MICAL2: variants seen among roughly 807,000 people sequenced by gnomAD.
MICAL2 encodes the protein microtubule associated monooxygenase, calponin and LIM domain containing 2.
MICAL2 carries 77 observed loss-of-function variants against 127.3 expected under a neutral mutation model. The ratio of observed to expected loss-of-function variants is 0.60; its 90% CI spans 0.50 to 0.73. MICAL2 has a LOEUF of 0.73. Ranked by LOEUF, MICAL2 falls within the 30% of genes least tolerant of loss-of-function variation. The probability of loss-of-function intolerance (pLI) is 0.00; values close to 1 mark genes in which losing one functional copy is unlikely to be tolerated. For missense variants in MICAL2, 1,351 were observed against 1,434.4 expected, an observed-to-expected ratio of 0.94 and a Z score of 0.94; for synonymous variants, 570 against 551.1, an observed-to-expected ratio of 1.03 and a Z score of -0.48.
chr11:12,170,144 A>G (rs1051031595), intron 3 of MICAL2, among the ~76,000 whole-genome samples: 8 of 152,114 alleles, frequency 5.3e-5, no homozygotes, highest in African/African-American at 1.9e-4. Flanking sequence ...TTCCATATAC[A>G]TCGTTTCATT....
At position 12,258,494 on chromosome 11, in the gene MICAL2, A is replaced by G; in HGVS notation, c.3169A>G (p.Ile1057Val). Residue 1057 changes from isoleucine to valine, a missense_variant, in exon 25 of 28, where the codon ATT (isoleucine) becomes GTT (valine). Ile to Val is a conservative substitution (Grantham distance 29). Transcript: ENST00000683283. ...EGKFYCKPHF[I>V]HCKTNSKQRK... ...CAAATTTTACTGCAAGCCTCACTTC[A>G]TTCACTGTAAAACCAATAGCAAACA... 6.2e-7 allele frequency: 1 copy of G among 1,614,186 alleles called. No individual in the cohort carries two copies. Among genetic ancestry groups the G allele is most frequent in the South Asian group, 1.1e-5 (1 of 91,086 alleles).
chr11:12,220,143 T>C (rs908223678), intron 8 of MICAL2, 58 bp from the exon 9 acceptor site: 25 of 1,599,904 alleles, frequency 1.6e-5, no homozygotes, highest in Non-Finnish European at 1.9e-5. Flanking sequence ...AAGAGGTGGG[T>C]ATGAAGGCTA....
chr11:12,331,514 G>C (rs986200392), intron 32 of MICAL2, among the ~76,000 whole-genome samples: 2 of 152,076 alleles, frequency 1.3e-5, no homozygotes, highest in East Asian at 1.9e-4. Flanking sequence ...AAATGCTAGC[G>C]AAAGCCTCTC....
At chr11:12,326,550 C>G (rs1489073286) in intron 31 of MICAL2, among the ~76,000 whole-genome samples, 1 of 152,124 alleles carries the variant, frequency 6.6e-6, no homozygotes, top group African/African-American at 2.4e-5. Context: ...CCTTAATAAC[C>G]TGCTAGTAAC....
intron 26 of MICAL2, chr11:12,262,040 C>T (rs751798882): frequency 4.9e-4 from 518 of 1,052,444 alleles, no homozygotes; most frequent in Non-Finnish European, 5.5e-4. Context: ...CATAAGGAGA[C>T]TGGTTTGAAT....
At chr11:12,349,851 G>A in exon 33 of MICAL2, 5 of 1,614,084 alleles carry the variant, frequency 3.1e-6, no homozygotes, top group Non-Finnish European at 4.2e-6. Context: ...CAGGCACACA[G>A]GATGAAGCAC....
intron 2 of MICAL2, among the ~76,000 whole-genome samples, chr11:12,282,163 C>T (rs1863779580): frequency 6.6e-6 from 1 of 152,184 alleles, no homozygotes; most frequent in Admixed American, 6.5e-5. Context: ...TGAATTTACT[C>T]TAGAAATGTT....
Position 12,213,399 on chromosome 11 carries a change from A to C in MICAL2, c.836A>C (p.Lys279Thr). 6.2e-7 allele frequency: 1 copy of C among 1,613,550 alleles called. No individual in the cohort carries two copies. The change falls in exon 7 of 28, where the codon AAA becomes ACA. Residue 279 changes from lysine to threonine, a missense_variant. By Grantham distance (78) the Lys-to-Thr change is moderately conservative. Coordinates refer to ENST00000683283, the MANE Select transcript of MICAL2 (RefSeq NM_001282663.2). ...IFNQKFFQDL[K>T]EETGIDLENI... ...AATCAGAAATTTTTTCAGGACCTTA[A>C]AGAAGAAACAGGTGGGACCTTCACC... is the stretch of plus-strand genomic sequence containing the variant.
intron 2 of MICAL2, among the ~76,000 whole-genome samples, chr11:12,141,005 C>T (rs565672758): frequency 3.3e-5 from 5 of 152,298 alleles, no homozygotes; most frequent in African/African-American, 1.2e-4. Flanking sequence ...TATGTTGTGG[C>T]AAGGGCTGGA....
At chr11:12,336,816 G>A (rs1425949620) in intron 32 of MICAL2, among the ~76,000 whole-genome samples, 1 of 152,094 alleles carries the variant, frequency 6.6e-6, no homozygotes, top group African/African-American at 2.4e-5. Context: ...CTTGATCATG[G>A]TGGATAAGCT....
At position 12,220,199 on chromosome 11, in the gene MICAL2, A is replaced by G. The variant is rs750486034; in HGVS notation, c.949-2A>G. ...GCTGCACCATGTTTTCATCTTCCCC[A>G]GGACTACATCGACACAGAGATGCTG... On this transcript the variant is annotated splice_acceptor_variant, in intron 8 of 27. Transcript: ENST00000683283. LOFTEE classifies it high-confidence loss of function. The G allele has an allele frequency of 1.2e-6, 2 of 1,613,948 alleles. No individual in the cohort carries two copies. Among genetic ancestry groups the G allele is most frequent in the African/African-American group, 2.7e-5 (2 of 74,928 alleles).
At chr11:12,253,385 G>A (rs146236682) in intron 22 of MICAL2, 158 of 152,262 alleles carry the variant, frequency 1.0e-3, no homozygotes, top group African/African-American at 3.6e-3. Flanking sequence ...CCCAGTGTGC[G>A]CCCATTCCAC....
Position 12,213,313 on chromosome 11 carries a change from A to G in MICAL2, c.750A>G (p.Ile250Met), listed in dbSNP as rs1855750015. ...CGATTGCCATCACCGCCAACTTCAT[A>G]AACAGAAACAGCACAGCGGAAGCCA... ...KLAIAITANF[I>M]NRNSTAEAKV... The change falls in exon 7 of 28, where the codon ATA becomes ATG. Residue 250 changes from isoleucine (I) to methionine (M), a missense_variant. By Grantham distance (10) the Ile-to-Met change is conservative (BLOSUM62 1). Transcript: ENST00000683283. The G allele has an allele frequency of 6.2e-7, 1 of 1,613,864 alleles. No individual in the cohort carries two copies.
intron 29 of MICAL2, among the ~76,000 whole-genome samples, chr11:12,311,168 C>T (rs1303251503): frequency 2.0e-5 from 3 of 152,032 alleles, no homozygotes; most frequent in Non-Finnish European, 2.9e-5. Context: ...GTTTGGATGC[C>T]ACTTATTTCT....
At chr11:12,229,165 C>G (rs1481250327) in intron 15 of MICAL2, among the ~76,000 whole-genome samples, 1 of 152,214 alleles carries the variant, frequency 6.6e-6, no homozygotes, top group Non-Finnish European at 1.5e-5. Context: ...CCACTGAGGC[C>G]TGAACTCCCT....
chr11:12,348,976 G>A (rs1278599413), intron 32 of MICAL2, among the ~76,000 whole-genome samples: 1 of 152,148 alleles, frequency 6.6e-6, no homozygotes, highest in Non-Finnish European at 1.5e-5. Flanking sequence ...GCAGAGGTTC[G>A]GAGAAGTTAA....
At chr11:12,204,701 C>A (rs983537538) in intron 4 of MICAL2, among the ~76,000 whole-genome samples, 3 of 152,226 alleles carry the variant, frequency 2.0e-5, no homozygotes, top group Non-Finnish European at 2.9e-5. Context: ...ACCAGACTAT[C>A]TCCAGGACAT....
At chr11:12,150,853 T>C (rs927421689) in intron 2 of MICAL2, among the ~76,000 whole-genome samples, 3 of 152,182 alleles carry the variant, frequency 2.0e-5, no homozygotes, top group Non-Finnish European at 4.4e-5. Flanking sequence ...CCTCAACTTT[T>C]ATGTGAAAAT....
rs116656638 is a variant in MICAL2 at position 12,215,867 on chromosome 11, G to A, written c.848-352G>A. 2.4e-3 allele frequency among the ~76,000 whole-genome samples: 370 copies of A among 152,306 alleles called. 2 individuals carry two copies. Among genetic ancestry groups the A allele is most frequent in the African/African-American group, 8.4e-3 (349 of 41,558 alleles). ...GTGGACAGGACTTGGAGCTAGATGG[G>A]CTGGGGTTCAAATCCCAGCCCTGTC... On this transcript the variant is annotated intron_variant, in intron 7 of 27. Transcript: ENST00000683283.
Sources: gnomAD v4.1 joint callset for allele counts (sites outside exome capture counted in the v4.1 genomes callset) on GRCh38, gnomAD v4.1.1 for gene constraint, MANE v1.5 for transcripts, NCBI Gene and HGNC (gene_info 2026-07-23, HGNC 2026-07-21) for gene names.